The following FSIP1 variants were observed in gnomAD, a reference collection of about 807,000 sequenced individuals.
FSIP1 encodes fibrous sheath-interacting protein 1.
In FSIP1, 65 loss-of-function variants were observed where a neutral mutation model predicts 60.9. That is an observed-to-expected ratio of 1.07 (90% CI 0.87 to 1.31). The LOEUF (loss-of-function observed/expected upper bound fraction) is 1.31, where lower values mean the gene tolerates loss of function less well. Ranked by LOEUF, FSIP1 falls within the 40% of genes most tolerant of loss-of-function variation. The probability of loss-of-function intolerance (pLI) is 0.00; values close to 1 mark genes in which losing one functional copy is unlikely to be tolerated. For synonymous variants in FSIP1, 209 were observed against 221.2 expected, an observed-to-expected ratio of 0.94 and a Z score of 0.49; for missense variants, 675 against 665.5, an observed-to-expected ratio of 1.01 and a Z score of -0.16.
chr15:39,737,343 G>A (rs1022803682), intron 8 of FSIP1, among the ~76,000 whole-genome samples: 1 of 152,078 alleles, frequency 6.6e-6, no homozygotes, highest in Non-Finnish European at 1.5e-5. Flanking sequence ...AGGCCCTCCT[G>A]TTAACCCCAG....
chr15:39,754,481 C>T (rs958157101), intron 5 of FSIP1, among the ~76,000 whole-genome samples: 3 of 151,768 alleles, frequency 2.0e-5, no homozygotes, highest in African/African-American at 7.3e-5. Flanking sequence ...GGAGGCGAGA[C>T]TGAAAACTGT....
At chr15:39,638,812 G>T (rs1409327920) in intron 10 of FSIP1, among the ~76,000 whole-genome samples, 2 of 144,418 alleles carry the variant, frequency 1.4e-5, no homozygotes, top group African/African-American at 5.4e-5. Context: ...GCGTGTGTGG[G>T]TGCATGTGTG....
chr15:39,631,787 A>G (rs896132173), intron 10 of FSIP1, among the ~76,000 whole-genome samples: 3 of 152,242 alleles, frequency 2.0e-5, no homozygotes, highest in African/African-American at 7.2e-5. Flanking sequence ...GTACATATAT[A>G]TTAATAGAAA....
At chr15:39,751,529 C>T (rs1437539078) in intron 5 of FSIP1, among the ~76,000 whole-genome samples, 2 of 150,956 alleles carry the variant, frequency 1.3e-5, no homozygotes, top group Non-Finnish European at 3.0e-5. Flanking sequence ...GGACATAATA[C>T]TATGTGAAAT....
At chr15:39,664,596 C>G (rs1420029907) in intron 10 of FSIP1, among the ~76,000 whole-genome samples, 1 of 152,080 alleles carries the variant, frequency 6.6e-6, no homozygotes, top group Non-Finnish European at 1.5e-5. Flanking sequence ...CTTCAACCAC[C>G]CCAACACACA....
chr15:39,651,201 T>C (rs1223077858), intron 10 of FSIP1, among the ~76,000 whole-genome samples: 1 of 152,258 alleles, frequency 6.6e-6, no homozygotes. Flanking sequence ...TGTTTTATAA[T>C]GTAGGGTTTC....
chr15:39,703,415 A>G (rs1895140359), intron 10 of FSIP1, among the ~76,000 whole-genome samples: 1 of 152,218 alleles, frequency 6.6e-6, no homozygotes, highest in Non-Finnish European at 1.5e-5. Flanking sequence ...CCAGAACCAA[A>G]CATCTTTAAT....
chr15:39,621,632 T>G (rs1364669504), intron 10 of FSIP1, among the ~76,000 whole-genome samples: 1 of 152,196 alleles, frequency 6.6e-6, no homozygotes, highest in Non-Finnish European at 1.5e-5. Flanking sequence ...TAAAATAAAC[T>G]TTTCTACTCA....
intron 5 of FSIP1, among the ~76,000 whole-genome samples, chr15:39,760,749 G>A (rs1331267959): frequency 2.0e-5 from 3 of 152,024 alleles, no homozygotes; most frequent in Non-Finnish European, 4.4e-5. Context: ...GGACATTAGT[G>A]GGAAAACTGG....
Position 39,682,429 on chromosome 15 carries a change from C to A in FSIP1, c.1188+31015G>T, listed in dbSNP as rs566039276. Among the ~76,000 whole-genome samples, 3 of 152,242 alleles carry A rather than the reference C, an allele frequency of 2.0e-5. No individual in the cohort carries two copies. In the South Asian group the frequency reaches 6.2e-4, roughly 32 times the overall value. Reference sequence around the variant, plus strand: ...ACACTGCTTGGGAACTAAAACCTATCATGTGCACTTGACTGTGTTTTCACA... The same window carrying A: ...ACACTGCTTGGGAACTAAAACCTATAATGTGCACTTGACTGTGTTTTCACA... On this transcript the variant is annotated intron_variant, in intron 10 of 11. Transcript: ENST00000350221.
chr15:39,687,570 C>T (rs1894434364), intron 10 of FSIP1, among the ~76,000 whole-genome samples: 1 of 152,176 alleles, frequency 6.6e-6, no homozygotes, highest in African/African-American at 2.4e-5. Context: ...TTCCCTGGCA[C>T]TTTGTATCCA....
chr15:39,762,093 T>C (rs1027132555), intron 5 of FSIP1, among the ~76,000 whole-genome samples: 1 of 152,220 alleles, frequency 6.6e-6, no homozygotes, highest in African/African-American at 2.4e-5. Flanking sequence ...ATGTCCAAGC[T>C]TGCTCTTTTA....
At position 39,771,269 on chromosome 15, in the gene FSIP1, C is replaced by T. The variant is rs554370504; in HGVS notation, c.127-659G>A. The stretch of plus-strand genomic sequence containing the variant: ...TGATGAAAATCACTTCAGAAGTTAA[C>T]ACAGCCCAAGGGAGACAGGAAAGAC... On this transcript the variant is annotated intron_variant, in intron 2 of 11. Coordinates refer to ENST00000350221, the MANE Select transcript of FSIP1 (RefSeq NM_152597.5). Among the ~76,000 whole-genome samples, 5 of 152,290 alleles carry T rather than the reference C, an allele frequency of 3.3e-5. No individual in the cohort carries two copies. The East Asian group carries it at 9.7e-4, about 29-fold the overall frequency.
chr15:39,658,610 A>G (rs2140448460), intron 10 of FSIP1, among the ~76,000 whole-genome samples: 1 of 152,322 alleles, frequency 6.6e-6, no homozygotes, highest in East Asian at 1.9e-4. Context: ...TAAATTCTCT[A>G]TAATTACAAA....
intron 10 of FSIP1, among the ~76,000 whole-genome samples, chr15:39,665,962 T>C (rs1310695022): frequency 6.6e-6 from 1 of 152,184 alleles, no homozygotes; most frequent in Non-Finnish European, 1.5e-5. Context: ...CCAGAGAGAT[T>C]ATATTCACAA....
At chr15:39,775,045 T>A (rs1898008478) in intron 2 of FSIP1, among the ~76,000 whole-genome samples, 1 of 152,160 alleles carries the variant, frequency 6.6e-6, no homozygotes, top group African/African-American at 2.4e-5. Flanking sequence ...GAACACAGTT[T>A]CACTCTGTCA....
Position 39,738,656 on chromosome 15 carries a change from C to G in FSIP1, c.781-455G>C. Among the ~76,000 whole-genome samples, 3 of 152,222 alleles carry G rather than the reference C, an allele frequency of 2.0e-5. No homozygotes were observed. The South Asian group carries it at 6.2e-4, about 32-fold the overall frequency. ...ATTAAAAAGGGGAAAGAGAAATCTA[C>G]GGTAGACCTGCTATCTGTGTTAGCA... On this transcript the variant is annotated intron_variant, in intron 7 of 11. Coordinates refer to ENST00000350221, the MANE Select transcript of FSIP1 (RefSeq NM_152597.5).
At chr15:39,662,145 A>G (rs969983390) in intron 10 of FSIP1, among the ~76,000 whole-genome samples, 1 of 152,094 alleles carries the variant, frequency 6.6e-6, no homozygotes, top group African/African-American at 2.4e-5. Context: ...CTTTCTGGCT[A>G]TAGTTGGAGT....
At chr15:39,733,528 C>CT (rs1323394527) in intron 8 of FSIP1, among the ~76,000 whole-genome samples, 1 of 152,192 alleles carries the variant, frequency 6.6e-6, no homozygotes, top group African/African-American at 2.4e-5. Flanking sequence ...GTGGCAGACA[C>CT]TGTCTACTGA....
Sources: allele counts gnomAD v4.1 joint callset (sites outside exome capture counted in the v4.1 genomes callset), GRCh38; gene constraint gnomAD v4.1.1; transcripts MANE v1.5; gene names NCBI Gene and HGNC (gene_info 2026-07-23, HGNC 2026-07-21).